Variants in BEAN1 observed in about 807,000 individuals in gnomAD.
BEAN1 encodes protein BEAN1.
A neutral mutation model predicts 17.7 loss-of-function variants in BEAN1; 17 were observed. The observed-to-expected ratio is 0.96, with a 90% CI of 0.66 to 1.44. The LOEUF (loss-of-function observed/expected upper bound fraction) is 1.44. Ranked by LOEUF, BEAN1 falls within the 40% of genes most tolerant of loss-of-function variation. The probability of loss-of-function intolerance (pLI) is 0.00; values close to 1 mark genes in which losing one functional copy is unlikely to be tolerated. For missense variants in BEAN1, 359 were observed against 374.1 expected, an observed-to-expected ratio of 0.96 and a Z score of 0.33; for synonymous variants, 142 against 151.8, an observed-to-expected ratio of 0.94 and a Z score of 0.47.
At chr16:66,462,115 T>C (rs2142417660) in intron 2 of BEAN1, among the ~76,000 whole-genome samples, 1 of 152,358 alleles carries the variant, frequency 6.6e-6, no homozygotes, top group African/African-American at 2.4e-5. Flanking sequence ...TAGAAAGTGG[T>C]GGCAGGTATG....
intron 2 of BEAN1, among the ~76,000 whole-genome samples, chr16:66,449,662 A>G (rs1962598037): frequency 1.3e-5 from 2 of 151,864 alleles, no homozygotes; most frequent in Non-Finnish European, 2.9e-5. Context: ...TTTCAAAAAG[A>G]TTATATTTTT....
intron 2 of BEAN1, among the ~76,000 whole-genome samples, chr16:66,451,674 A>AGCT (rs1962678933): frequency 6.6e-6 from 1 of 152,188 alleles, no homozygotes; most frequent in Non-Finnish European, 1.5e-5. Flanking sequence ...TGCTTTGATT[A>AGCT]GCTCATAGCC....
In BEAN1 at chr16:66,468,873, C is replaced by T. The variant is rs144184294; in HGVS notation, c.26-729C>T. Among the ~76,000 whole-genome samples the T allele has an allele frequency of 2.9e-4, 44 of 152,216 alleles. No homozygotes were observed. The East Asian group carries it at 6.6e-3, about 23-fold the overall frequency. ...TCACCCGTCCCCAGGAGCTTCTTTC[C>T]GTAGGACTCTCAAGGATCCAGCTGT... On this transcript the variant is annotated intron_variant, in intron 2 of 4. Coordinates refer to ENST00000536005, the MANE Select transcript of BEAN1 (RefSeq NM_001178020.3).
intron 1 of BEAN1, 124 bp from the exon 2 acceptor site, chr16:66,437,471 C>A: frequency 1.6e-6 from 1 of 610,656 alleles, no homozygotes. Flanking sequence ...TAGGCACGTG[C>A]TCTCAAAGAA....
At chr16:66,483,946 CA>C (rs1445751022), downstream of BEAN1, 1 of 153,750 alleles carries the variant, frequency 6.5e-6, no homozygotes, top group Non-Finnish European at 1.4e-5. Flanking sequence ...GTGAACAAGT[CA>C]GGCCCTGAAG....
downstream of BEAN1, chr16:66,483,066 T>C (rs940678087): frequency 2.8e-6 from 1 of 356,302 alleles, no homozygotes; most frequent in African/African-American, 2.2e-5. Flanking sequence ...CTCACTATGT[T>C]GCCCAGGCTA....
At chr16:66,476,486 C>A (rs1008018877) in intron 3 of BEAN1, 3 of 152,370 alleles carry the variant, frequency 2.0e-5, no homozygotes, top group African/African-American at 7.2e-5. Context: ...ATAGCTCCGC[C>A]CCTGATGCCA....
downstream of BEAN1, among the ~76,000 whole-genome samples, chr16:66,486,292 G>A (rs1279313550): frequency 1.3e-5 from 2 of 151,796 alleles, no homozygotes; most frequent in Middle Eastern, 3.2e-3. Context: ...GCAGTGGTAC[G>A]ATCTCGGCTC....
Position 66,482,545 on chromosome 16 carries a change from G to A in BEAN1, c.*1620G>A, listed in dbSNP as rs1964017962. The A allele has an allele frequency of 3.4e-6, 1 of 297,692 alleles. No homozygotes were observed. The highest frequency in any genetic ancestry group is 2.8e-5 in the South Asian group (1 of 36,118). 18.4% of individuals were successfully genotyped at this position (297,692 alleles called of 1,614,324 possible). ...ACAAGCAGTTCTGACCACCTTAGTG[G>A]TGTACTGTTTTCTAGGCAAAAAATA... On this transcript the variant is annotated 3_prime_UTR_variant, in exon 5 of 5. Transcript: ENST00000536005.
chr16:66,443,995 T>G (rs994564521), intron 2 of BEAN1, among the ~76,000 whole-genome samples: 4 of 152,192 alleles, frequency 2.6e-5, no homozygotes, highest in African/African-American at 9.7e-5. Context: ...TAATTTTCAG[T>G]GCACAATCAT....
Position 66,481,089 on chromosome 16 carries a change from A to T in BEAN1, c.*164A>T. The T allele has an allele frequency of 3.4e-6, 2 of 581,064 alleles. No homozygotes were observed. The highest frequency in any genetic ancestry group is 2.9e-6 in the Non-Finnish European group (1 of 344,776). The allele number at this position is 581,064 out of a possible 1,614,324, so 36.0% of individuals were successfully genotyped here. A position where few individuals can be genotyped will look rare whatever the true frequency, so the allele number is the denominator to read the frequency against. ...ATCTACACTGACATACCCCATGTAC[A>T]CACACAGATCTAGACGTGCTCCACA... On this transcript the variant is annotated 3_prime_UTR_variant, in exon 5 of 5. Coordinates refer to ENST00000536005, the MANE Select transcript of BEAN1 (RefSeq NM_001178020.3). The surrounding 1 kb of genome is among the most constrained non-coding windows in gnomAD (Gnocchi z 4.1).
At chr16:66,474,792 G>A (rs1963669978) in intron 3 of BEAN1, among the ~76,000 whole-genome samples, 1 of 152,104 alleles carries the variant, frequency 6.6e-6, no homozygotes, top group African/African-American at 2.4e-5. Flanking sequence ...GGAAAGAAAA[G>A]AAAATTCTGT....
At chr16:66,452,395 A>G (rs987433438) in intron 2 of BEAN1, among the ~76,000 whole-genome samples, 6 of 152,202 alleles carry the variant, frequency 3.9e-5, no homozygotes, top group African/African-American at 1.4e-4. Flanking sequence ...ACAAAATCCT[A>G]TCACCTTTAA....
intron 2 of BEAN1, among the ~76,000 whole-genome samples, chr16:66,440,122 T>G (rs1044259696): frequency 6.9e-5 from 9 of 129,604 alleles, no homozygotes; most frequent in Non-Finnish European, 1.1e-4. Flanking sequence ...GTTGGGTACT[T>G]CTTTTTTTTT....
At chr16:66,467,734 C>A (rs1180066896) in intron 2 of BEAN1, among the ~76,000 whole-genome samples, 2 of 152,184 alleles carry the variant, frequency 1.3e-5, no homozygotes, top group Admixed American at 6.5e-5. Flanking sequence ...CCAGTGCGTG[C>A]CTCTCCAGGG....
intron 3 of BEAN1, among the ~76,000 whole-genome samples, chr16:66,475,260 C>T (rs1458503433): frequency 6.6e-6 from 1 of 151,916 alleles, no homozygotes; most frequent in Non-Finnish European, 1.5e-5. Context: ...CTCTGCCCAG[C>T]TGGATGTCTC....
Position 66,477,614 on chromosome 16 carries a change from G to A in BEAN1, c.344G>A (p.Ser115Asn), listed in dbSNP as rs754308039. The change falls in exon 4 of 5, where the codon AGC (serine) becomes AAC (asparagine). Residue 115 changes from serine (S) to asparagine (N), a missense_variant. Coordinates refer to ENST00000536005, the MANE Select transcript of BEAN1 (RefSeq NM_001178020.3). ...AGCCGCAGGATGCGCTATGCCTGCA[G>A]CTCCTCAGAGGACTGGCCCCCACCC... Reference protein sequence around the residue: ...RSSRRMRYACSSSEDWPPPLD... With the variant: ...RSSRRMRYACNSSEDWPPPLD... 1.3e-6 allele frequency: 2 copies of A among 1,551,138 alleles called. No individual in the cohort carries two copies. Among genetic ancestry groups the A allele is most frequent in the African/African-American group, 2.7e-5 (2 of 73,174 alleles).
At chr16:66,490,567 T>A (rs573239099) in intron 4 of BEAN1, among the ~76,000 whole-genome samples, 1 of 152,214 alleles carries the variant, frequency 6.6e-6, no homozygotes, top group East Asian at 1.9e-4. Context: ...GGGGTTTCTA[T>A]CCAGTAACTC....
chr16:66,464,700 G>T (rs1450035605), intron 2 of BEAN1, among the ~76,000 whole-genome samples: 1 of 151,958 alleles, frequency 6.6e-6, no homozygotes, highest in African/African-American at 2.4e-5. Context: ...TTTCATTTTA[G>T]GTTTGGTCAT....
Sources: gnomAD v4.1 joint callset for allele counts (sites outside exome capture counted in the v4.1 genomes callset) on GRCh38, gnomAD v4.1.1 for gene constraint, Gnocchi (gnomAD v3.1) non-coding constraint, MANE v1.5 for transcripts, NCBI Gene and HGNC (gene_info 2026-07-23, HGNC 2026-07-21) for gene names.